Variants in LRP1B observed in about 807,000 individuals in gnomAD.
LRP1B encodes LDL receptor related protein 1B.
Under a neutral mutation model 556.6 loss-of-function variants are expected in LRP1B, and 217 were observed. The observed-to-expected ratio is 0.39, with a 90% CI of 0.35 to 0.44. The LOEUF (loss-of-function observed/expected upper bound fraction) is 0.44. LRP1B is among the 20% of genes least tolerant of loss of function. The pLI is 1.00. For synonymous variants in LRP1B, 2,047 were observed against 1,865.8 expected, an observed-to-expected ratio of 1.10 and a Z score of -2.50; for missense variants, 5,053 against 5,620.8, an observed-to-expected ratio of 0.90 and a Z score of 3.23.
intron 60 of LRP1B, among the ~76,000 whole-genome samples, chr2:140,463,742 G>T (rs182670286): frequency 6.6e-6 from 1 of 152,196 alleles, no homozygotes. Context: ...AGGTCACAGT[G>T]CAGGAAGATC....
intron 84 of LRP1B, among the ~76,000 whole-genome samples, chr2:140,277,719 G>A (rs977212423): frequency 3.3e-5 from 5 of 151,842 alleles, no homozygotes; most frequent in East Asian, 1.9e-4. Flanking sequence ...ATGAAATACC[G>A]ATACACACCC....
intron 2 of LRP1B, among the ~76,000 whole-genome samples, chr2:141,556,456 A>G (rs1034977941): frequency 6.6e-6 from 1 of 151,860 alleles, no homozygotes; most frequent in Non-Finnish European, 1.5e-5. Context: ...ATCCCTCCAA[A>G]AGTGGTACAT....
At chr2:141,034,762 C>G (rs1200249842) in intron 11 of LRP1B, among the ~76,000 whole-genome samples, 1 of 148,800 alleles carries the variant, frequency 6.7e-6, no homozygotes, top group Non-Finnish European at 1.5e-5. Context: ...GTTGGTGGGA[C>G]TGTAAACTAG....
At chr2:140,749,099 A>T (rs1688480740) in intron 35 of LRP1B, among the ~76,000 whole-genome samples, 1 of 151,842 alleles carries the variant, frequency 6.6e-6, no homozygotes, top group Admixed American at 6.6e-5. Flanking sequence ...GTATCTAAAC[A>T]TATCTAAACT....
chr2:140,611,570 C>G (rs1162034728), intron 41 of LRP1B, among the ~76,000 whole-genome samples: 2 of 151,916 alleles, frequency 1.3e-5, no homozygotes, highest in Admixed American at 6.6e-5. Context: ...TGTTTATCAT[C>G]AAGTTTTGCA....
Position 141,015,857 on chromosome 2 carries a change from C to T in LRP1B, c.2029G>A (p.Glu677Lys), listed in dbSNP as rs1697885224. The stretch of plus-strand genomic sequence containing the variant: ...TTGAATCCATCCATCCAGGCCTTCT[C>T]AATCCTTCCCACGCTGTCATCTATT... ...DEIDDSVGRI[E>K]KAWMDGFNRQ... is the part of the protein sequence containing the mutation. Residue 677 changes from glutamate to lysine, a missense_variant, in exon 13 of 91, where the codon GAG (glutamate) becomes AAG (lysine). Physicochemically the swap from Glu to Lys is moderately conservative, Grantham distance 56 (BLOSUM62 1). This residue lies in a region of LRP1B where 3,619 missense variants were observed against 3,931.9 expected (regional missense o/e 0.92). Transcript: ENST00000389484. The T allele has an allele frequency of 6.2e-7, 1 of 1,613,530 alleles. No individual in the cohort carries two copies. Among genetic ancestry groups the T allele is most frequent in the Non-Finnish European group, 8.5e-7 (1 of 1,179,776 alleles).
chr2:140,711,336 G>A lies in LRP1B; in HGVS notation c.6023+4637C>T, dbSNP rs574213055. 1.2e-3 allele frequency among the ~76,000 whole-genome samples: 189 copies of A among 151,940 alleles called. 1 individual carries two copies. The highest frequency in any genetic ancestry group is 4.4e-3 in the African/African-American group (184 of 41,472). ...ATAGTACCTCATCTTTATTGCTCCA[G>A]GGACCTACCTAGAATCACCCTCTCT... is the stretch of plus-strand genomic sequence containing the variant. On this transcript the variant is annotated intron_variant, in intron 37 of 90. Coordinates refer to ENST00000389484, the MANE Select transcript of LRP1B (RefSeq NM_018557.3).
At chr2:141,698,433 C>T (rs1315527814) in intron 2 of LRP1B, among the ~76,000 whole-genome samples, 1 of 149,782 alleles carries the variant, frequency 6.7e-6, no homozygotes, top group Non-Finnish European at 1.5e-5. Context: ...ATCAGTGAAA[C>T]CTAAAGGGCT....
At chr2:141,492,061 G>C (rs1160735801) in intron 2 of LRP1B, among the ~76,000 whole-genome samples, 31 of 97,324 alleles carry the variant, frequency 3.2e-4, no homozygotes, top group Admixed American at 1.0e-3. Context: ...GTCCTTGAAA[G>C]TCACTATTTA....
chr2:141,803,323 G>A (rs553990953), intron 2 of LRP1B, among the ~76,000 whole-genome samples: 5 of 151,534 alleles, frequency 3.3e-5, no homozygotes, highest in African/African-American at 7.3e-5. Flanking sequence ...ACTGTACTGG[G>A]CAAATGTACC....
chr2:141,690,392 T>TATAAATAA (rs1553448655), intron 2 of LRP1B, among the ~76,000 whole-genome samples: 1,103 of 34,692 alleles, frequency 0.032, 56 homozygotes, highest in African/African-American at 0.035. Flanking sequence ...GGATTACATC[T>TATAAATAA]ATAAATATAT....
chr2:141,623,891 T>C (rs1372977952), intron 2 of LRP1B, among the ~76,000 whole-genome samples: 1 of 150,466 alleles, frequency 6.6e-6, no homozygotes. Context: ...GGCAGGTTCG[T>C]GTAATCCCAG....
At chr2:140,531,184 A>G (rs1428250763) in intron 47 of LRP1B, among the ~76,000 whole-genome samples, 1 of 152,054 alleles carries the variant, frequency 6.6e-6, no homozygotes, top group Non-Finnish European at 1.5e-5. Flanking sequence ...CTTGCCTTAA[A>G]ATCTATTTTC....
chr2:140,915,689 A>G (rs898793668), intron 21 of LRP1B, among the ~76,000 whole-genome samples: 1 of 130,332 alleles, frequency 7.7e-6, no homozygotes, highest in East Asian at 2.0e-4. Flanking sequence ...AATAAATAAA[A>G]TAAATCTAAA....
Position 141,838,184 on chromosome 2 carries a change from G to A in LRP1B, c.83-27783C>T, listed in dbSNP as rs79903623. Among the ~76,000 whole-genome samples, 500 of 152,098 alleles carry A rather than the reference G, an allele frequency of 3.3e-3. 2 individuals are homozygous for A. The highest frequency in any genetic ancestry group is 0.011 in the African/African-American group (469 of 41,512). On this transcript the variant is annotated intron_variant, in intron 1 of 90. Coordinates refer to ENST00000389484, the MANE Select transcript of LRP1B (RefSeq NM_018557.3). The stretch of plus-strand genomic sequence containing the variant: ...ATACAAAGCTATAATAATCTATAAC[G>A]TAAGCTATCTCACAGTCTCATGAAG...
chr2:141,695,155 T>A (rs1377748030), intron 2 of LRP1B, among the ~76,000 whole-genome samples: 1 of 151,980 alleles, frequency 6.6e-6, no homozygotes, highest in East Asian at 1.9e-4. Flanking sequence ...CTTTATTAAC[T>A]ATAATTGTCT....
chr2:141,207,841 T>C (rs1185318089), intron 6 of LRP1B, among the ~76,000 whole-genome samples: 1 of 152,010 alleles, frequency 6.6e-6, no homozygotes, highest in Non-Finnish European at 1.5e-5. Flanking sequence ...ACGCCTGGCT[T>C]ATTTTTGTAT....
intron 37 of LRP1B, among the ~76,000 whole-genome samples, chr2:140,713,990 C>A (rs1339383119): frequency 6.6e-6 from 1 of 152,044 alleles, no homozygotes; most frequent in East Asian, 1.9e-4. Flanking sequence ...TTCAACATGA[C>A]ATTTGGATAT....
At chr2:140,923,251 A>T in intron 20 of LRP1B, 104 bp from the exon 21 acceptor site, 1 of 807,472 alleles carries the variant, frequency 1.2e-6, no homozygotes. Context: ...TTCTTTCTTC[A>T]GGCATTATTA....
Sources: gnomAD v4.1 joint callset for allele counts (sites outside exome capture counted in the v4.1 genomes callset) on GRCh38, gnomAD v4.1.1 for gene constraint, gnomAD v4.1.1 regional missense constraint, MANE v1.5 for transcripts, NCBI Gene and HGNC (gene_info 2026-07-23, HGNC 2026-07-21) for gene names.